Variants in MGAT4C observed in about 807,000 individuals in gnomAD.
The protein encoded by MGAT4C is MGAT4 family member C, also known as alpha-1,3-mannosyl-glycoprotein 4-beta-N-acetylglucosaminyltransferase C.
In MGAT4C, 19 loss-of-function variants were observed where a neutral mutation model predicts 40.1. The observed-to-expected ratio is 0.47, with a 90% confidence interval of 0.33 to 0.70. MGAT4C has a LOEUF of 0.70. Among genes scored for constraint, MGAT4C ranks in the 30% least tolerant of loss-of-function variants. The pLI is 0.02. For synonymous variants in MGAT4C, 181 were observed against 187.1 expected (o/e 0.97, Z 0.27); for missense variants, 491 against 563.2 (o/e 0.87, Z 1.30).
At chr12:86,196,005 T>C (rs1191966958) in intron 1 of MGAT4C, among the ~76,000 whole-genome samples, 1 of 152,188 alleles carries the variant, frequency 6.6e-6, no homozygotes, top group African/African-American at 2.4e-5. Context: ...TGCATATTTA[T>C]GTATGTGTGT....
intron 2 of MGAT4C, among the ~76,000 whole-genome samples, chr12:86,439,772 A>G (rs2136276910): frequency 6.6e-6 from 1 of 152,048 alleles, no homozygotes; most frequent in African/African-American, 2.4e-5. Context: ...AATAAACTCA[A>G]TTAGAAATTA....
intron 1 of MGAT4C, among the ~76,000 whole-genome samples, chr12:86,226,255 T>A (rs2136000982): frequency 6.6e-6 from 1 of 152,028 alleles, no homozygotes; most frequent in Admixed American, 6.6e-5. Flanking sequence ...GTAGGAAGAA[T>A]GATTAAAAGT....
intron 1 of MGAT4C, among the ~76,000 whole-genome samples, chr12:86,105,296 T>C (rs536491945): frequency 2.0e-5 from 3 of 152,110 alleles, no homozygotes; most frequent in Non-Finnish European, 4.4e-5. Flanking sequence ...TGATTGAATA[T>C]CAGAGAATGT....
At chr12:86,218,868 C>A (rs1239408039) in intron 1 of MGAT4C, among the ~76,000 whole-genome samples, 1 of 152,058 alleles carries the variant, frequency 6.6e-6, no homozygotes, top group Non-Finnish European at 1.5e-5. Flanking sequence ...ATTAGAGAAA[C>A]AAAACTGGTA....
chr12:86,050,894 C>T (rs992628645), intron 1 of MGAT4C, among the ~76,000 whole-genome samples: 7 of 151,988 alleles, frequency 4.6e-5, no homozygotes, highest in African/African-American at 1.7e-4. Flanking sequence ...AGTCATATCA[C>T]AGAACACAGA....
chr12:86,680,488 C>A (rs1013792144), intron 2 of MGAT4C, among the ~76,000 whole-genome samples: 1 of 151,994 alleles, frequency 6.6e-6, no homozygotes, highest in Non-Finnish European at 1.5e-5. Flanking sequence ...CTTCTTCCTA[C>A]AGAGCTAAGC....
At chr12:86,354,518 G>C (rs1955262614) in intron 3 of MGAT4C, among the ~76,000 whole-genome samples, 1 of 151,834 alleles carries the variant, frequency 6.6e-6, no homozygotes, top group Non-Finnish European at 1.5e-5. Flanking sequence ...TGGAAGGATA[G>C]AAGTTCTCAA....
intron 1 of MGAT4C, among the ~76,000 whole-genome samples, chr12:86,151,341 G>A (rs1256206059): frequency 2.0e-5 from 3 of 152,148 alleles, no homozygotes; most frequent in Admixed American, 6.5e-5. Flanking sequence ...GGCCGGGCGC[G>A]GTGGCTCACA....
chr12:86,810,665 G>A (rs915453470), intron 1 of MGAT4C, among the ~76,000 whole-genome samples: 2 of 151,542 alleles, frequency 1.3e-5, no homozygotes, highest in African/African-American at 2.4e-5. Context: ...GCCTTGCACC[G>A]AGAAATAAAT....
At chr12:86,576,669 C>G (rs1960572166) in intron 2 of MGAT4C, among the ~76,000 whole-genome samples, 1 of 151,854 alleles carries the variant, frequency 6.6e-6, no homozygotes, top group Non-Finnish European at 1.5e-5. Context: ...TGTTCTGTTC[C>G]ACTGGTCTAT....
At chr12:86,342,035 C>G (rs894296472) in intron 3 of MGAT4C, among the ~76,000 whole-genome samples, 2 of 152,034 alleles carry the variant, frequency 1.3e-5, no homozygotes, top group African/African-American at 4.8e-5. Context: ...TAAGTGGGTT[C>G]CTGTCAAGTT....
chr12:86,425,361 C>T (rs140316160), intron 3 of MGAT4C, among the ~76,000 whole-genome samples: 5,281 of 152,146 alleles, frequency 0.035, 131 homozygotes, highest in Non-Finnish European at 0.047. Context: ...TGAGTTCTCA[C>T]GAGATCTGAT....
Position 85,962,653 on chromosome 12 carries a change from A to G in MGAT4C, c.*16636T>C, listed in dbSNP as rs1230631570. On this transcript the variant is annotated 3_prime_UTR_variant, in exon 5 of 5. Transcript: ENST00000611864. ...ATTGTTTAAGTACATTCAACTTGTAATGAACTGTAAACTTCACCCATAACA... is the reference window on the plus strand; with the variant it reads ...ATTGTTTAAGTACATTCAACTTGTAGTGAACTGTAAACTTCACCCATAACA... 1 of 151,046 alleles carries G rather than the reference A, an allele frequency of 6.6e-6. No homozygotes were observed. Among genetic ancestry groups the G allele is most frequent in the Non-Finnish European group, 1.5e-5 (1 of 67,506 alleles). 9.4% of individuals were successfully genotyped at this position (151,046 alleles called of 1,614,324 possible). A position where few individuals can be genotyped will look rare whatever the true frequency, so the allele number is the denominator to read the frequency against.
At chr12:86,180,555 C>T (rs190153916) in intron 1 of MGAT4C, among the ~76,000 whole-genome samples, 46 of 152,244 alleles carry the variant, frequency 3.0e-4, no homozygotes, top group African/African-American at 1.1e-3. Context: ...CAGAGCTGCC[C>T]AAGACTATGG....
At chr12:86,443,617 G>T (rs1957276134) in intron 2 of MGAT4C, among the ~76,000 whole-genome samples, 1 of 152,056 alleles carries the variant, frequency 6.6e-6, no homozygotes, top group Non-Finnish European at 1.5e-5. Flanking sequence ...TGTTTGAGAC[G>T]GAGTCTCGCT....
intron 3 of MGAT4C, among the ~76,000 whole-genome samples, chr12:86,395,073 A>G (rs1280805585): frequency 1.3e-5 from 2 of 150,288 alleles, no homozygotes; most frequent in Admixed American, 6.6e-5. Context: ...CATAAAAAAA[A>G]TGGTCTTGAA....
chr12:86,018,825 T>C (rs566871281), intron 2 of MGAT4C, among the ~76,000 whole-genome samples: 1 of 152,074 alleles, frequency 6.6e-6, no homozygotes, highest in Non-Finnish European at 1.5e-5. Flanking sequence ...AGTTTCACTT[T>C]AAGCTTCAAC....
intron 4 of MGAT4C, among the ~76,000 whole-genome samples, chr12:86,285,782 A>G (rs2136122860): frequency 6.6e-6 from 1 of 152,152 alleles, no homozygotes; most frequent in East Asian, 1.9e-4. Context: ...AATTGCCTAA[A>G]GATCTAACAG....
At chr12:86,441,579 T>C (rs1957229075) in intron 2 of MGAT4C, among the ~76,000 whole-genome samples, 1 of 145,848 alleles carries the variant, frequency 6.9e-6, no homozygotes, top group Admixed American at 7.1e-5. Context: ...TTCACACCTA[T>C]GAGTGAGAAC....
Sources: gnomAD v4.1 joint callset for allele counts (sites outside exome capture counted in the v4.1 genomes callset) on GRCh38, gnomAD v4.1.1 for gene constraint, MANE v1.5 for transcripts, NCBI Gene and HGNC (gene_info 2026-07-23, HGNC 2026-07-21) for gene names.